ZNF394: variants seen among roughly 807,000 people sequenced by gnomAD.
The protein encoded by ZNF394 is zinc finger protein 394.
In ZNF394, 19 loss-of-function variants were observed where a neutral mutation model predicts 21.8. That is an observed-to-expected ratio of 0.87 (90% CI 0.61 to 1.28). The LOEUF is 1.28. ZNF394 is among the 50% of genes most tolerant of loss of function. The pLI, the probability that ZNF394 is intolerant of heterozygous loss-of-function variation, is 0.00. For missense variants in ZNF394, 683 were observed against 708.6 expected, an observed-to-expected ratio of 0.96 and a Z score of 0.41; for synonymous variants, 294 against 273.3, an observed-to-expected ratio of 1.08 and a Z score of -0.75.
chr7:99,493,536 C>T lies in ZNF394; in HGVS notation c.1679G>A (p.Arg560His), dbSNP rs61737535. The T allele has an allele frequency of 1.5e-4, 243 of 1,599,928 alleles. 1 individual carries two copies. Among genetic ancestry groups the T allele is most frequent in the Middle Eastern group, 5.0e-4 (3 of 5,988 alleles). ...KVLSAGRGGS[R>H]L ...CCTCCCAAAGTGCTGGGATTATAGG[C>T]GTGAGCCACCACGCCCAGCCGACAG... is the stretch of plus-strand genomic sequence containing the variant. Residue 560 changes from arginine to histidine, a missense_variant, in exon 3 of 3, where the codon CGC becomes CAC. Arg to His is a conservative substitution (Grantham distance 29). Coordinates refer to ENST00000337673, the MANE Select transcript of ZNF394 (RefSeq NM_032164.4).
Position 99,500,044 on chromosome 7 carries a change from C to G in ZNF394, c.50G>C (p.Gly17Ala). The G allele has an allele frequency of 6.3e-7, 1 of 1,591,642 alleles. No homozygotes were observed. Reference sequence around the variant, plus strand: ...GGACCTCGCAGCCATCACCCAGGGTCCCAACTCGGCGTCACTGCCGCGCCT... The same window carrying G: ...GGACCTCGCAGCCATCACCCAGGGTGCCAACTCGGCGTCACTGCCGCGCCT... ...AQRRGSDAELGPWVMAARSKD... is the reference protein window; with the variant it reads ...AQRRGSDAELAPWVMAARSKD... Residue 17 changes from glycine (G) to alanine (A), a missense_variant, in exon 1 of 3, where the codon GGA becomes GCA. Around this residue, in one of 3 missense-constraint regions of ZNF394, gnomAD observed 402 missense variants for 373.8 expected, o/e 1.08. Transcript: ENST00000337673.
In ZNF394 at chr7:99,498,822, G is replaced by A; in HGVS notation, c.477C>T (p.Asp159=). The part of the protein sequence containing the change: ...TSSQGMVTFE[D]TAVSLTWEEW... Reference sequence around the variant, plus strand: ...CCTCCCAGGTTAGAGACACAGCCGTGTCCTCGAAAGTCACCATCCCCTGGA... The same window carrying A: ...CCTCCCAGGTTAGAGACACAGCCGTATCCTCGAAAGTCACCATCCCCTGGA... Residue 159 remains aspartate (D), a synonymous_variant, in exon 2 of 3, where the codon GAC becomes GAT. Coordinates refer to ENST00000337673, the MANE Select transcript of ZNF394 (RefSeq NM_032164.4). 7.4e-6 allele frequency: 12 copies of A among 1,613,508 alleles called. No homozygotes were observed. Among genetic ancestry groups the A allele is most frequent in the Non-Finnish European group, 1.0e-5 (12 of 1,179,706 alleles).
Position 99,493,357 on chromosome 7 carries a change from A to C in ZNF394, c.*172T>G. 9.6e-7 allele frequency: 1 copy of C among 1,046,480 alleles called. No individual in the cohort carries two copies. Among genetic ancestry groups the C allele is most frequent in the African/African-American group, 1.6e-5 (1 of 62,020 alleles). 64.8% of individuals were successfully genotyped at this position (1,046,480 alleles called of 1,614,324 possible). Reference sequence around the variant, plus strand: ...CTGCAACTTCCGCCTCCTGGGTTCAAGTGATTCTCCTACCTCAGCCTCCCG... The same window carrying C: ...CTGCAACTTCCGCCTCCTGGGTTCACGTGATTCTCCTACCTCAGCCTCCCG... On this transcript the variant is annotated 3_prime_UTR_variant, in exon 3 of 3. Coordinates refer to ENST00000337673, the MANE Select transcript of ZNF394 (RefSeq NM_032164.4).
rs115901783 is a variant in ZNF394 at position 99,493,556 on chromosome 7, C to T, written c.1659G>A (p.Ser553=). ...HQRIHQNKVL[S]AGRGGSRL ...ATAGGCGTGAGCCACCACGCCCAGC[C>T]GACAGCACTTTATTTTGATGAATTC... Residue 553 remains serine (S), a synonymous_variant, in exon 3 of 3, where the codon TCG becomes TCA. Transcript: ENST00000337673. 1.3e-3 allele frequency: 2,054 copies of T among 1,610,924 alleles called. 17 individuals carry two copies. In the African/African-American group the frequency reaches 0.019, roughly 15 times the overall value.
intron 1 of ZNF394, among the ~76,000 whole-genome samples, chr7:99,488,115 G>GT (rs1262111389): frequency 1.3e-5 from 2 of 150,030 alleles, no homozygotes; most frequent in Non-Finnish European, 3.0e-5. Context: ...TTATTAGGCT[G>GT]TTGTGTCCAC....
chr7:99,493,210 C>T, downstream of ZNF394: 6 of 1,064,776 alleles, frequency 5.6e-6, no homozygotes, highest in Non-Finnish European at 6.8e-6. Flanking sequence ...TGGTTCTGGA[C>T]AAGAAAAGAA....
chr7:99,487,679 T>G lies in ZNF394; in HGVS notation n.84-716A>C, dbSNP rs552249344. 2.5e-3 allele frequency: 1,544 copies of G among 606,082 alleles called. 8 individuals carry two copies. Among genetic ancestry groups the G allele is most frequent in the Admixed American group, 3.8e-3 (107 of 28,438 alleles). The allele number at this position is 606,082 out of a possible 1,614,324, so 37.5% of individuals were successfully genotyped here. On this transcript the variant is annotated intron_variant and non_coding_transcript_variant, in intron 1 of 1. Coordinates refer to the ZNF394 transcript ENST00000462024. ...TGTTAGCTTGGGCAACACAGTGAGA[T>G]CCCATCTCTACAAAAAATAACAAAG...
intron 2 of ZNF394, 148 bp from the exon 3 acceptor site, chr7:99,494,779 G>C: frequency 7.3e-7 from 1 of 1,363,958 alleles, no homozygotes. Flanking sequence ...TTTGTCACCA[G>C]GCTGGAGTGC....
downstream of ZNF394, among the ~76,000 whole-genome samples, chr7:99,488,855 C>T (rs947200696): frequency 4.2e-5 from 6 of 143,598 alleles, no homozygotes; most frequent in South Asian, 6.8e-4. Context: ...CTACCTCAAC[C>T]GGGAGGCAGA....
At chr7:99,498,875 G>A (rs766726159) in intron 1 of ZNF394, 33 bp from the exon 2 acceptor site, 3 of 1,598,658 alleles carry the variant, frequency 1.9e-6, no homozygotes, top group Non-Finnish European at 2.6e-6. Flanking sequence ...TTCAGTACCT[G>A]CTGTCCCTGT....
chr7:99,499,825 C>G lies in ZNF394; in HGVS notation c.269G>C (p.Arg90Pro). The G allele has an allele frequency of 6.2e-7, 1 of 1,614,204 alleles. No individual in the cohort carries two copies. The highest frequency in any genetic ancestry group is 1.7e-5 in the Admixed American group (1 of 60,024). Residue 90 changes from arginine to proline, a missense_variant, in exon 1 of 3, where the codon CGT becomes CCT. Around this residue, in one of 3 missense-constraint regions of ZNF394, gnomAD observed 402 missense variants for 373.8 expected, o/e 1.08. Transcript: ENST00000337673. ...GAGCAGCTCGGGTCTCAGCCACCGA[C>G]GACAGAGTTCTCGGAGCCGGCTCAG... is the stretch of plus-strand genomic sequence containing the variant. The part of the protein sequence containing the change: ...EALSRLRELC[R>P]RWLRPELLSK...
chr7:99,486,979 T>C (rs1206798774), intron 1 of ZNF394: 2 of 1,614,140 alleles, frequency 1.2e-6, no homozygotes, highest in South Asian at 2.2e-5. Flanking sequence ...AAACAAGCCA[T>C]ACAGATGTCA....
At chr7:99,495,557 C>A (rs1800275876) in intron 2 of ZNF394, among the ~76,000 whole-genome samples, 1 of 151,394 alleles carries the variant, frequency 6.6e-6, no homozygotes, top group South Asian at 2.1e-4. Context: ...ACTCCTCTGA[C>A]CTTGTTATCC....
At chr7:99,489,017 G>A (rs1800103528), downstream of ZNF394, among the ~76,000 whole-genome samples, 1 of 151,806 alleles carries the variant, frequency 6.6e-6, no homozygotes, top group Non-Finnish European at 1.5e-5. Flanking sequence ...CGGCGCAGTG[G>A]CTCACGCCTG....
Position 99,499,888 on chromosome 7 carries a change from T to G in ZNF394, c.206A>C (p.Gln69Pro). The G allele has an allele frequency of 6.2e-7, 1 of 1,614,174 alleles. No homozygotes were observed. Among genetic ancestry groups the G allele is most frequent in the Non-Finnish European group, 8.5e-7 (1 of 1,180,030 alleles). ...TCCAGCCACCTCCTGGTAACGCAGC[T>G]GCCTAAAGTGCAGTCGAGAAGTTTC... ...DPETSRLHFRQLRYQEVAGPE... is the reference protein window; with the variant it reads ...DPETSRLHFRPLRYQEVAGPE... The change falls in exon 1 of 3, where the codon CAG (glutamine) becomes CCG (proline). Residue 69 changes from glutamine (Q) to proline (P), a missense_variant. Gln to Pro is a moderately conservative substitution (Grantham distance 76). This residue lies in a region of ZNF394 where 402 missense variants were observed against 373.8 expected (regional missense o/e 1.08). Transcript: ENST00000337673.
At chr7:99,486,811 T>A in exon 2 of ZNF394, 1 of 1,614,220 alleles carries the variant, frequency 6.2e-7, no homozygotes, top group Non-Finnish European at 8.5e-7. Flanking sequence ...AGCAAAGTCT[T>A]ATGAATGCAG....
chr7:99,498,813 C>T lies in ZNF394; in HGVS notation c.486G>A (p.Val162=), dbSNP rs141360847. The part of the protein sequence containing the change: ...QGMVTFEDTA[V]SLTWEEWERL... ...GCTCCCACTCCTCCCAGGTTAGAGA[C>T]ACAGCCGTGTCCTCGAAAGTCACCA... Residue 162 remains valine (V), a synonymous_variant, in exon 2 of 3, where the codon GTG becomes GTA. Transcript: ENST00000337673. 3.7e-5 allele frequency: 60 copies of T among 1,613,988 alleles called. No individual in the cohort carries two copies. In the African/African-American group the frequency reaches 7.3e-4, roughly 20 times the overall value.
chr7:99,497,087 C>CGA (rs1800338818), intron 2 of ZNF394, among the ~76,000 whole-genome samples: 1 of 94,712 alleles, frequency 1.1e-5, no homozygotes, highest in African/African-American at 6.9e-5. Flanking sequence ...TACATACATA[C>CGA]GTGTGTGTGT....
chr7:99,490,665 A>T (rs578001775), downstream of ZNF394, among the ~76,000 whole-genome samples: 24 of 149,376 alleles, frequency 1.6e-4, no homozygotes, highest in Admixed American at 1.0e-3. Flanking sequence ...GTTTGTATTT[A>T]CGATTCTCTC....
Sources: allele counts gnomAD v4.1 joint callset (sites outside exome capture counted in the v4.1 genomes callset), GRCh38; gene constraint gnomAD v4.1.1; regional missense constraint gnomAD v4.1.1; transcripts MANE v1.5; gene names NCBI Gene and HGNC (gene_info 2026-07-23, HGNC 2026-07-21).